The following CREB3L1 variants were observed in gnomAD, a reference collection of about 807,000 sequenced individuals.
CREB3L1 encodes the protein cAMP responsive element binding protein 3 like 1.
Under a neutral mutation model 54.5 loss-of-function variants are expected in CREB3L1, and 33 were observed. The ratio of observed to expected loss-of-function variants is 0.61; its 90% CI spans 0.46 to 0.81. CREB3L1 has a LOEUF of 0.81. CREB3L1 is among the 30% of genes least tolerant of loss of function. The pLI is 0.00. For missense variants in CREB3L1, 656 were observed against 673.3 expected (o/e 0.97, Z 0.29); for synonymous variants, 284 against 286.4 (o/e 0.99, Z 0.08).
chr11:46,278,949 C>CCCCT lies in CREB3L1; in HGVS notation c.102+745_102+748dup, dbSNP rs1744985733. ...TGTCTTTCTCCTCTTTCTCACTCTT[C>CCCCT]CCCTCCCTCCCTAAGGAAACGTGGC... On this transcript the variant is annotated intron_variant, in intron 1 of 11. Coordinates refer to ENST00000621158, the MANE Select transcript of CREB3L1 (RefSeq NM_052854.4). This position sits in a 1 kb window ranked among gnomAD's most constrained non-coding sequence, Gnocchi z 4.2. 6.6e-6 allele frequency among the ~76,000 whole-genome samples: 1 copy of CCCCT among 152,198 alleles called. No individual in the cohort carries two copies. The highest frequency in any genetic ancestry group is 2.4e-5 in the African/African-American group (1 of 41,442).
At chr11:46,305,359 C>T (rs967977289) in intron 2 of CREB3L1, among the ~76,000 whole-genome samples, 3 of 151,976 alleles carry the variant, frequency 2.0e-5, no homozygotes, top group Non-Finnish European at 4.4e-5. Context: ...TCCCCACCGC[C>T]GCCTCCTCCA....
intron 1 of CREB3L1, among the ~76,000 whole-genome samples, chr11:46,296,346 G>A (rs547189376): frequency 6.6e-6 from 1 of 152,098 alleles, no homozygotes; most frequent in Admixed American, 6.5e-5. Context: ...TCCCGCACAC[G>A]CCAGGGCAGC....
intron 3 of CREB3L1, among the ~76,000 whole-genome samples, chr11:46,308,794 T>C (rs1235107207): frequency 6.6e-6 from 1 of 152,232 alleles, no homozygotes; most frequent in Non-Finnish European, 1.5e-5. Flanking sequence ...AGCCCCTCCC[T>C]GCCCCACCAC....
At chr11:46,316,531 T>C in intron 9 of CREB3L1, 146 bp downstream of exon 9, 1 of 629,326 alleles carries the variant, frequency 1.6e-6, no homozygotes, top group Non-Finnish European at 2.8e-6. Context: ...GGTGGGCTGG[T>C]TCTAGCAGAC....
intron 3 of CREB3L1, among the ~76,000 whole-genome samples, chr11:46,308,676 G>T (rs1401884808): frequency 1.3e-5 from 2 of 152,214 alleles, no homozygotes; most frequent in Non-Finnish European, 1.5e-5. Context: ...GATTCCACAG[G>T]ATGAGCAGCA....
At chr11:46,313,926 A>C (rs1939528789) in intron 8 of CREB3L1, among the ~76,000 whole-genome samples, 1 of 152,158 alleles carries the variant, frequency 6.6e-6, no homozygotes. Context: ...CTTCGTCTAA[A>C]TGGGGATGAT....
At chr11:46,281,921 T>A (rs1414815087) in intron 1 of CREB3L1, among the ~76,000 whole-genome samples, 1 of 152,184 alleles carries the variant, frequency 6.6e-6, no homozygotes, top group East Asian at 1.9e-4. Context: ...ATGAAAAACC[T>A]ACTGGAGGAG....
rs1422925136 is a variant in CREB3L1, at chr11:46,295,893, C to T, written c.103-4042C>T. The stretch of plus-strand genomic sequence containing the variant: ...AAGCAGGAGAGCTCGGGAACCTCTC[C>T]TCCAAGGGAGGGAAGCCGGCGCCGG... On this transcript the variant is annotated intron_variant, in intron 1 of 11. Coordinates refer to ENST00000621158, the MANE Select transcript of CREB3L1 (RefSeq NM_052854.4). The surrounding 1 kb of genome is among the most constrained non-coding windows in gnomAD (Gnocchi z 4.6). 6.6e-6 allele frequency among the ~76,000 whole-genome samples: 1 copy of T among 152,228 alleles called. No homozygotes were observed. Among genetic ancestry groups the T allele is most frequent in the Non-Finnish European group, 1.5e-5 (1 of 68,032 alleles).
At position 46,319,640 on chromosome 11, in the gene CREB3L1, G is replaced by A. The variant is rs7106284; in HGVS notation, c.1259-624G>A. ...CTCCGGTAATCTCAGCACTTTGGGAGGCCAAGGTGGGAGGATCACTTGAGG... is the reference window on the plus strand; with the variant it reads ...CTCCGGTAATCTCAGCACTTTGGGAAGCCAAGGTGGGAGGATCACTTGAGG... On this transcript the variant is annotated intron_variant, in intron 10 of 11. Transcript: ENST00000621158. Among the ~76,000 whole-genome samples, 885 of 152,202 alleles carry A rather than the reference G, an allele frequency of 5.8e-3. 3 individuals carry two copies. Among genetic ancestry groups the A allele is most frequent in the Non-Finnish European group, 8.5e-3 (577 of 68,002 alleles).
At chr11:46,317,618 T>C in intron 10 of CREB3L1, 131 bp downstream of exon 10, 2 of 1,195,160 alleles carry the variant, frequency 1.7e-6, no homozygotes, top group Non-Finnish European at 2.3e-6. Context: ...TGCCTCATTT[T>C]CCAGATGGGG....
intron 1 of CREB3L1, among the ~76,000 whole-genome samples, chr11:46,293,084 G>T (rs192159798): frequency 6.6e-6 from 1 of 152,336 alleles, no homozygotes; most frequent in East Asian, 1.9e-4. Context: ...CACCCAGTAG[G>T]TGCTGAGTAA....
At chr11:46,310,479 G>C (rs1471777515) in intron 4 of CREB3L1, among the ~76,000 whole-genome samples, 1 of 151,984 alleles carries the variant, frequency 6.6e-6, no homozygotes, top group Admixed American at 6.6e-5. Flanking sequence ...ATATTGGTCA[G>C]GCTGGTCTTG....
intron 1 of CREB3L1, among the ~76,000 whole-genome samples, chr11:46,293,647 G>A (rs372451021): frequency 6.6e-6 from 1 of 152,194 alleles, no homozygotes; most frequent in South Asian, 2.1e-4. Flanking sequence ...CCATGTTGGC[G>A]CTTTCTTCAG....
intron 5 of CREB3L1, 23 bp downstream of exon 5, chr11:46,311,212 A>C: frequency 1.3e-6 from 2 of 1,525,056 alleles, no homozygotes; most frequent in Non-Finnish European, 1.8e-6. Flanking sequence ...GGGTGGGCTG[A>C]TCCCAGAAAT....
In CREB3L1 at chr11:46,295,754, G is replaced by A. The variant is rs945943424; in HGVS notation, c.103-4181G>A. On this transcript the variant is annotated intron_variant, in intron 1 of 11. Coordinates refer to ENST00000621158, the MANE Select transcript of CREB3L1 (RefSeq NM_052854.4). The surrounding 1 kb of genome is among the most constrained non-coding windows in gnomAD (Gnocchi z 4.6). ...CCGGGTGTTCCCGGGTTAACCCTTT[G>A]TGGGCCGCTCCAGGACGGCGGCACC... Among the ~76,000 whole-genome samples the A allele has an allele frequency of 1.1e-4, 17 of 152,242 alleles. No individual in the cohort carries two copies. The highest frequency in any genetic ancestry group is 2.2e-4 in the Non-Finnish European group (15 of 68,042).
At chr11:46,312,545 A>G in intron 6 of CREB3L1, 67 bp from the exon 7 acceptor site, 2 of 1,608,746 alleles carry the variant, frequency 1.2e-6, no homozygotes, top group South Asian at 2.2e-5. Context: ...ACCAGCTCTG[A>G]AATTGGGGGG....
intron 1 of CREB3L1, among the ~76,000 whole-genome samples, chr11:46,290,322 G>A (rs1195746712): frequency 1.3e-5 from 2 of 152,052 alleles, no homozygotes; most frequent in South Asian, 2.1e-4. Context: ...GACAAAGCAT[G>A]TCTCTATGAA....
Position 46,295,834 on chromosome 11 carries a change from G to A in CREB3L1, c.103-4101G>A, listed in dbSNP as rs1233920236. Reference sequence around the variant, plus strand: ...GCGGCTGAGGCCAGGCTCCAAGAGAGGGTGCAGCCGAGAAGAGGGGTACGC... The same window carrying A: ...GCGGCTGAGGCCAGGCTCCAAGAGAAGGTGCAGCCGAGAAGAGGGGTACGC... On this transcript the variant is annotated intron_variant, in intron 1 of 11. Transcript: ENST00000621158. This position sits in a 1 kb window ranked among gnomAD's most constrained non-coding sequence, Gnocchi z 4.6. 6.6e-6 allele frequency among the ~76,000 whole-genome samples: 1 copy of A among 152,228 alleles called. No homozygotes were observed. Among genetic ancestry groups the A allele is most frequent in the African/African-American group, 2.4e-5 (1 of 41,466 alleles).
At chr11:46,289,559 G>C (rs1254111901) in intron 1 of CREB3L1, among the ~76,000 whole-genome samples, 2 of 152,212 alleles carry the variant, frequency 1.3e-5, no homozygotes, top group Non-Finnish European at 2.9e-5. Flanking sequence ...TTGGTGATCA[G>C]GGAAGGCTTC....
Sources: allele counts gnomAD v4.1 joint callset (sites outside exome capture counted in the v4.1 genomes callset), GRCh38; gene constraint gnomAD v4.1.1; non-coding constraint Gnocchi (gnomAD v3.1); transcripts MANE v1.5; gene names NCBI Gene and HGNC (gene_info 2026-07-23, HGNC 2026-07-21).